Variants in SLC4A10 observed in about 807,000 individuals in gnomAD.
SLC4A10 encodes the protein solute carrier family 4 member 10, also known as sodium-driven chloride bicarbonate exchanger.
A neutral mutation model predicts 137.7 loss-of-function variants in SLC4A10; 42 were observed. That is an observed-to-expected ratio of 0.30 (90% CI 0.24 to 0.39). SLC4A10 has a LOEUF of 0.39. Among genes scored for constraint, SLC4A10 ranks in the 10% least tolerant of loss-of-function variants. SLC4A10 has a pLI of 1.00. For synonymous variants in SLC4A10, 474 were observed against 464.1 expected, an observed-to-expected ratio of 1.02 and a Z score of -0.27; for missense variants, 925 against 1,355.0, an observed-to-expected ratio of 0.68 and a Z score of 4.98.
intron 1 of SLC4A10, among the ~76,000 whole-genome samples, chr2:161,657,049 A>G (rs1268810823): frequency 1.3e-5 from 2 of 152,066 alleles, no homozygotes; most frequent in Non-Finnish European, 2.9e-5. Flanking sequence ...TCTACAGCAA[A>G]TCTATCATTA....
At chr2:161,753,569 A>T (rs2125317304) in intron 1 of SLC4A10, among the ~76,000 whole-genome samples, 1 of 152,240 alleles carries the variant, frequency 6.6e-6, no homozygotes, top group East Asian at 1.9e-4. Context: ...ACGATATCCT[A>T]TGGGGTTTAG....
chr2:161,884,784 G>T (rs2062103057), intron 10 of SLC4A10, among the ~76,000 whole-genome samples: 1 of 152,208 alleles, frequency 6.6e-6, no homozygotes, highest in Non-Finnish European at 1.5e-5. Flanking sequence ...GAATATCAAA[G>T]AATGTTTAAA....
At chr2:161,796,285 T>C (rs2054762833) in intron 2 of SLC4A10, among the ~76,000 whole-genome samples, 2 of 152,190 alleles carry the variant, frequency 1.3e-5, no homozygotes, top group Admixed American at 1.3e-4. Flanking sequence ...AGGTTGTGAA[T>C]TTGGGTTGGA....
chr2:161,865,800 G>A (rs930284746), intron 6 of SLC4A10, among the ~76,000 whole-genome samples: 13 of 151,992 alleles, frequency 8.6e-5, no homozygotes, highest in South Asian at 2.1e-4. Context: ...ATTAATAGCC[G>A]TAAATGTAAA....
intron 3 of SLC4A10, among the ~76,000 whole-genome samples, chr2:161,818,784 C>T (rs3113779): frequency 0.26 from 39,646 of 151,870 alleles, 7,627 homozygotes; most frequent in African/African-American, 0.55. Context: ...TTACATTTAT[C>T]GATTTGCATA....
chr2:161,649,767 A>G (rs1441728219), intron 1 of SLC4A10, among the ~76,000 whole-genome samples: 1 of 146,516 alleles, frequency 6.8e-6, no homozygotes, highest in Non-Finnish European at 1.5e-5. Context: ...TATATATTTT[A>G]ATACTTTTTT....
chr2:161,646,636 G>C (rs2036070479), intron 1 of SLC4A10, among the ~76,000 whole-genome samples: 1 of 151,940 alleles, frequency 6.6e-6, no homozygotes, highest in African/African-American at 2.4e-5. Context: ...TGAATCAGAA[G>C]AGATTTTAGG....
chr2:161,787,768 G>A (rs893819081), intron 2 of SLC4A10, among the ~76,000 whole-genome samples: 1 of 152,014 alleles, frequency 6.6e-6, no homozygotes, highest in Admixed American at 6.6e-5. Flanking sequence ...ATTTTCAGAA[G>A]TTCTATTTTT....
intron 23 of SLC4A10, among the ~76,000 whole-genome samples, chr2:161,966,115 G>C (rs1343062471): frequency 6.6e-6 from 1 of 152,038 alleles, no homozygotes; most frequent in Non-Finnish European, 1.5e-5. Flanking sequence ...TGTTTCAGAG[G>C]TCTTAGTCAT....
chr2:161,919,311 G>T (rs967661621), intron 15 of SLC4A10, among the ~76,000 whole-genome samples: 3 of 152,238 alleles, frequency 2.0e-5, no homozygotes, highest in South Asian at 4.1e-4. Context: ...GGGCACAAAG[G>T]GGGCTGGTCC....
intron 5 of SLC4A10, among the ~76,000 whole-genome samples, chr2:161,862,648 A>G (rs1426644094): frequency 6.6e-6 from 1 of 152,228 alleles, no homozygotes; most frequent in Non-Finnish European, 1.5e-5. Flanking sequence ...TTTAAATAGA[A>G]TGGTTTATAA....
At chr2:161,691,382 A>G (rs1352458900) in intron 1 of SLC4A10, among the ~76,000 whole-genome samples, 2 of 152,096 alleles carry the variant, frequency 1.3e-5, no homozygotes, top group East Asian at 3.9e-4. Flanking sequence ...AATAGAAAGA[A>G]TGAATAAGAC....
intron 1 of SLC4A10, among the ~76,000 whole-genome samples, chr2:161,626,349 C>G (rs1358367778): frequency 2.6e-5 from 4 of 152,060 alleles, no homozygotes; most frequent in Non-Finnish European, 5.9e-5. Context: ...GCTAGATGGG[C>G]AACCAATTTA....
chr2:161,647,350 A>T (rs2036197420), intron 1 of SLC4A10, among the ~76,000 whole-genome samples: 1 of 152,108 alleles, frequency 6.6e-6, no homozygotes, highest in Non-Finnish European at 1.5e-5. Flanking sequence ...AAGAGATTAA[A>T]CCATGAAGAA....
chr2:161,900,946 A>G lies in SLC4A10; in HGVS notation c.1377A>G (p.Thr459=). 6.4e-7 allele frequency: 1 copy of G among 1,566,458 alleles called. No homozygotes were observed. The highest frequency in any genetic ancestry group is 8.7e-7 in the Non-Finnish European group (1 of 1,154,938). ...AGATTCCTGCTGTACCAAATGGAAC[A>G]GCAGCTCATGGGGAAGCAGAGCCCC... The part of the protein sequence containing the change: ...KRKIPAVPNG[T]AAHGEAEPHG... Residue 459 remains threonine, a synonymous_variant, in exon 12 of 27, where the codon ACA becomes ACG. Coordinates refer to ENST00000446997, the MANE Select transcript of SLC4A10 (RefSeq NM_001178015.2).
intron 1 of SLC4A10, among the ~76,000 whole-genome samples, chr2:161,760,863 G>A (rs1022095881): frequency 7.9e-5 from 12 of 151,674 alleles, no homozygotes; most frequent in African/African-American, 2.7e-4. Context: ...CAATGGATAC[G>A]TGGATAAAGA....
intron 1 of SLC4A10, among the ~76,000 whole-genome samples, chr2:161,633,663 CT>C (rs1020300347): frequency 2.0e-5 from 3 of 151,484 alleles, no homozygotes; most frequent in African/African-American, 7.3e-5. Context: ...AATAGTTTTC[CT>C]TTTGAATGAA....
chr2:161,830,178 TAAC>T (rs1040274070), intron 3 of SLC4A10, among the ~76,000 whole-genome samples: 2 of 143,742 alleles, frequency 1.4e-5, no homozygotes, highest in Non-Finnish European at 3.1e-5. Context: ...AAAAAAAAAA[TAAC>T]AACAACCAGG....
intron 3 of SLC4A10, among the ~76,000 whole-genome samples, chr2:161,814,251 G>C (rs968425104): frequency 6.6e-6 from 1 of 152,054 alleles, no homozygotes; most frequent in Non-Finnish European, 1.5e-5. Context: ...CAGTCAAAAT[G>C]GTGATTATCA....
Sources: allele counts gnomAD v4.1 joint callset (sites outside exome capture counted in the v4.1 genomes callset), GRCh38; gene constraint gnomAD v4.1.1; transcripts MANE v1.5; gene names NCBI Gene and HGNC (gene_info 2026-07-23, HGNC 2026-07-21).